Variants in SLC22A4 observed in about 807,000 individuals in gnomAD.
SLC22A4 encodes the protein ET transporter.
SLC22A4 carries 39 observed loss-of-function variants against 56.6 expected under a neutral mutation model. The ratio of observed to expected loss-of-function variants is 0.69; its 90% CI spans 0.53 to 0.90. The LOEUF (loss-of-function observed/expected upper bound fraction) is 0.90, where lower values mean the gene tolerates loss of function less well. Ranked by LOEUF, SLC22A4 falls within the 40% of genes least tolerant of loss-of-function variation. The probability of loss-of-function intolerance (pLI) is 0.00; values close to 1 mark genes in which losing one functional copy is unlikely to be tolerated. For synonymous variants in SLC22A4, 241 were observed against 281.4 expected, an observed-to-expected ratio of 0.86 and a Z score of 1.44; for missense variants, 594 against 696.5, an observed-to-expected ratio of 0.85 and a Z score of 1.66.
At chr5:132,317,816 T>C (rs934770378) in intron 3 of SLC22A4, among the ~76,000 whole-genome samples, 3 of 152,260 alleles carry the variant, frequency 2.0e-5, no homozygotes, top group Non-Finnish European at 4.4e-5. Context: ...ACCATTATTT[T>C]ATTGTATTTA....
At chr5:132,296,872 C>A (rs1344167198) in intron 1 of SLC22A4, among the ~76,000 whole-genome samples, 1 of 151,862 alleles carries the variant, frequency 6.6e-6, no homozygotes, top group Non-Finnish European at 1.5e-5. Flanking sequence ...TAGCTGCTGG[C>A]CTCCAAGTCC....
At chr5:132,307,156 G>A (rs2126705810) in intron 1 of SLC22A4, among the ~76,000 whole-genome samples, 1 of 152,286 alleles carries the variant, frequency 6.6e-6, no homozygotes, top group East Asian at 1.9e-4. Context: ...AACTAGCCAT[G>A]TTTGTTTTTG....
At chr5:132,326,640 G>T (rs1014468670) in intron 4 of SLC22A4, among the ~76,000 whole-genome samples, 1 of 152,230 alleles carries the variant, frequency 6.6e-6, no homozygotes. Context: ...AATAGACTAT[G>T]TAATTTAAAA....
At chr5:132,302,558 T>C (rs1580820038) in intron 1 of SLC22A4, among the ~76,000 whole-genome samples, 1 of 152,190 alleles carries the variant, frequency 6.6e-6, no homozygotes, top group Admixed American at 6.5e-5. Context: ...ATGACCCACA[T>C]GCTCTAGCAA....
At position 132,313,611 on chromosome 5, in the gene SLC22A4, T is replaced by C. The variant is rs747749292; in HGVS notation, c.498-3T>C. The C allele has an allele frequency of 1.3e-5, 21 of 1,614,018 alleles. No individual in the cohort carries two copies. The highest frequency in any genetic ancestry group is 1.6e-5 in the Non-Finnish European group (19 of 1,179,934). ...ATGTTTTGTGTTATACTGCATTCTC[T>C]AGGTTTGGCAGGAAGAACGTTCTCT... On this transcript the variant is annotated splice_region_variant and splice_polypyrimidine_tract_variant and intron_variant, in intron 2 of 9. Coordinates refer to ENST00000200652, the MANE Select transcript of SLC22A4 (RefSeq NM_003059.3).
At chr5:132,328,838 TACACACACACACAC>T (rs200357854) in intron 5 of SLC22A4, among the ~76,000 whole-genome samples, 2 of 138,592 alleles carry the variant, frequency 1.4e-5, no homozygotes, top group Non-Finnish European at 1.5e-5. Flanking sequence ...TATATATATA[TACACACACACACAC>T]ACACACACAC....
In SLC22A4 at chr5:132,334,867, A is replaced by G. The variant is rs775819832; in HGVS notation, c.1196A>G (p.Tyr399Cys). ...WLLLRTLPRR[Y>C]IIAAVLFWGG... is the part of the protein sequence containing the mutation. ...CTATTGCGAACCCTGCCCAGGCGTT[A>G]TATCATAGCTGCAGTACTGTTCTGG... The change falls in exon 7 of 10, where the codon TAT (tyrosine) becomes TGT (cysteine). Residue 399 changes from tyrosine (Y) to cysteine (C), a missense_variant. By Grantham distance (194) the Tyr-to-Cys change is radical. Coordinates refer to ENST00000200652, the MANE Select transcript of SLC22A4 (RefSeq NM_003059.3). 5.0e-6 allele frequency: 8 copies of G among 1,613,964 alleles called. No individual in the cohort carries two copies. In the South Asian group the frequency reaches 8.8e-5, roughly 18 times the overall value.
chr5:132,328,614 G>A (rs1041409161), intron 5 of SLC22A4, among the ~76,000 whole-genome samples: 1 of 151,912 alleles, frequency 6.6e-6, no homozygotes, highest in African/African-American at 2.4e-5. Context: ...CATTGGGAGT[G>A]TCTAACACTT....
intron 7 of SLC22A4, 143 bp downstream of exon 7, chr5:132,335,075 G>A (rs372721045): frequency 3.3e-5 from 23 of 707,668 alleles, no homozygotes; most frequent in South Asian, 1.6e-4. Flanking sequence ...TGCTCACTAC[G>A]TATGTTGTTT....
rs777989435 is a variant in SLC22A4, at chr5:132,335,968, G to A, written c.1412G>A (p.Gly471Asp). 3.7e-6 allele frequency: 6 copies of A among 1,614,150 alleles called. No homozygotes were observed. Among genetic ancestry groups the A allele is most frequent in the Admixed American group, 1.7e-5 (1 of 60,018 alleles). ...VGVTSTASRVGSIIAPYFVYL... is the reference protein window; with the variant it reads ...VGVTSTASRVDSIIAPYFVYL... ...GTCACATCCACGGCCTCCAGAGTGG[G>A]CAGCATCATTGCCCCCTACTTTGTT... The change falls in exon 8 of 10, where the codon GGC becomes GAC. Residue 471 changes from glycine to aspartate, a missense_variant. By Grantham distance (94) the Gly-to-Asp change is moderately conservative. Transcript: ENST00000200652.
In SLC22A4 at chr5:132,343,777, AAAC is replaced by A; in HGVS notation, c.1601_1603del (p.Thr534del). Reference sequence around the variant, plus strand: ...ATTTTCAGGTTCAGATCTGGGAAAAAAACAAGAGACTCAATGGAGACAGAAGAA... The same window carrying A: ...ATTTTCAGGTTCAGATCTGGGAAAAAAAGAGACTCAATGGAGACAGAAGAA... On this transcript the variant is annotated inframe_deletion, in exon 10 of 10. Transcript: ENST00000200652. The A allele has an allele frequency of 2.5e-6, 4 of 1,607,634 alleles. No individual in the cohort carries two copies. The highest frequency in any genetic ancestry group is 3.4e-6 in the Non-Finnish European group (4 of 1,174,348).
intron 7 of SLC22A4, among the ~76,000 whole-genome samples, chr5:132,335,344 G>A (rs1349080481): frequency 6.6e-6 from 1 of 152,186 alleles, no homozygotes; most frequent in Non-Finnish European, 1.5e-5. Flanking sequence ...TCTTTAAGTA[G>A]TTAAATAGCA....
At position 132,294,707 on chromosome 5, in the gene SLC22A4, C is replaced by T. The variant is rs1455963466; in HGVS notation, c.91C>T (p.Pro31Ser). Residue 31 changes from proline (P) to serine (S), a missense_variant, in exon 1 of 10, where the codon CCC becomes TCC. Transcript: ENST00000200652. The surrounding 1 kb of genome is among the most constrained non-coding windows in gnomAD (Gnocchi z 5.6). ...CTTCCTGCTCAGCGCCAGCATCATCCCCAATGGCTTCAATGGTATGTCAGT... is the reference window on the plus strand; with the variant it reads ...CTTCCTGCTCAGCGCCAGCATCATCTCCAATGGCTTCAATGGTATGTCAGT... ...IFFLLSASII[P>S]NGFNGMSVVF... 1.2e-6 allele frequency: 2 copies of T among 1,614,052 alleles called. No individual in the cohort carries two copies. Among genetic ancestry groups the T allele is most frequent in the Non-Finnish European group, 1.7e-6 (2 of 1,180,044 alleles).
intron 1 of SLC22A4, among the ~76,000 whole-genome samples, chr5:132,302,490 A>C (rs1253213765): frequency 6.6e-6 from 1 of 152,092 alleles, no homozygotes; most frequent in Non-Finnish European, 1.5e-5. Context: ...AAAGGCAAGG[A>C]TCCCCATTTG....
intron 1 of SLC22A4, among the ~76,000 whole-genome samples, chr5:132,309,142 T>C (rs3792879): frequency 0.073 from 11,102 of 152,206 alleles, 539 homozygotes; most frequent in East Asian, 0.27. Context: ...AAGAAAAGCC[T>C]TTTCTAAAGG....
chr5:132,337,679 G>C (rs573168525), intron 8 of SLC22A4, among the ~76,000 whole-genome samples: 1 of 150,958 alleles, frequency 6.6e-6, no homozygotes, highest in Non-Finnish European at 1.5e-5. Context: ...GCATGTTTTT[G>C]TGTATTTTTT....
In SLC22A4 at chr5:132,294,662, C is replaced by T. The variant is rs1749731702; in HGVS notation, c.46C>T (p.Pro16Ser). 6.2e-7 allele frequency: 1 copy of T among 1,614,188 alleles called. No homozygotes were observed. Among genetic ancestry groups the T allele is most frequent in the Non-Finnish European group, 8.5e-7 (1 of 1,180,032 alleles). The change falls in exon 1 of 10, where the codon CCC becomes TCC. Residue 16 changes from proline (P) to serine (S), a missense_variant. Physicochemically the swap from Pro to Ser is moderately conservative, Grantham distance 74 (BLOSUM62 -1). Coordinates refer to ENST00000200652, the MANE Select transcript of SLC22A4 (RefSeq NM_003059.3). The surrounding 1 kb of genome is among the most constrained non-coding windows in gnomAD (Gnocchi z 5.6). ...EVIAFLGEWG[P>S]FQRLIFFLLS... is the part of the protein sequence containing the mutation. The stretch of plus-strand genomic sequence containing the variant: ...GATCGCCTTCCTGGGCGAGTGGGGG[C>T]CCTTCCAGCGCCTCATCTTCTTCCT...
At position 132,294,594 on chromosome 5, in the gene SLC22A4, G is replaced by A. The variant is rs1255984575; in HGVS notation, c.-23G>A. The A allele has an allele frequency of 1.2e-6, 2 of 1,614,058 alleles. No individual in the cohort carries two copies. The highest frequency in any genetic ancestry group is 1.3e-5 in the African/African-American group (1 of 74,944). ...ACGCTGTCATCACCCGTAGTTGCAAGTTTCGGAGCGGCAGTGGGAAGCATG... is the reference window on the plus strand; with the variant it reads ...ACGCTGTCATCACCCGTAGTTGCAAATTTCGGAGCGGCAGTGGGAAGCATG... On this transcript the variant is annotated 5_prime_UTR_variant, in exon 1 of 10. Transcript: ENST00000200652. This position sits in a 1 kb window ranked among gnomAD's most constrained non-coding sequence, Gnocchi z 5.6.
intron 4 of SLC22A4, among the ~76,000 whole-genome samples, chr5:132,326,020 T>C (rs557543261): frequency 6.6e-5 from 10 of 152,356 alleles, no homozygotes; most frequent in Non-Finnish European, 1.0e-4. Flanking sequence ...TAATTAAAAG[T>C]AGTTATAAAT....
Sources: allele counts gnomAD v4.1 joint callset (sites outside exome capture counted in the v4.1 genomes callset), GRCh38; gene constraint gnomAD v4.1.1; non-coding constraint Gnocchi (gnomAD v3.1); transcripts MANE v1.5; gene names NCBI Gene and HGNC (gene_info 2026-07-23, HGNC 2026-07-21).